ACYP2: variants seen among roughly 807,000 people sequenced by gnomAD.
ACYP2 encodes the protein acylphosphatase-2.
ACYP2 carries 12 observed loss-of-function variants against 11.2 expected under a neutral mutation model. That is an observed-to-expected ratio of 1.08 (90% CI 0.69 to 1.74). The LOEUF (loss-of-function observed/expected upper bound fraction) is 1.74. Among genes scored for constraint, ACYP2 ranks in the 40% most tolerant of loss-of-function variants. The pLI is 0.00. For missense variants in ACYP2, 134 were observed against 101.9 expected, an observed-to-expected ratio of 1.31 and a Z score of -1.35; for synonymous variants, 43 against 32.2, an observed-to-expected ratio of 1.33 and a Z score of -1.13.
intron 2 of ACYP2, among the ~76,000 whole-genome samples, chr2:53,976,996 T>C (rs1464559009): frequency 6.6e-6 from 1 of 152,200 alleles, no homozygotes; most frequent in African/African-American, 2.4e-5. Context: ...TTGTACTCCT[T>C]GTAGAATTCC....
intron 4 of ACYP2, 131 bp from the exon 1 acceptor site, chr2:54,115,484 C>G (rs1679697018): frequency 7.4e-7 from 1 of 1,353,518 alleles, no homozygotes; most frequent in South Asian, 1.5e-5. Flanking sequence ...GCCCAGCGGC[C>G]TCTTCCCTCC....
intron 2 of ACYP2, among the ~76,000 whole-genome samples, chr2:53,996,954 G>T (rs1672601896): frequency 6.6e-6 from 1 of 152,122 alleles, no homozygotes; most frequent in Non-Finnish European, 1.5e-5. Context: ...ATAAAGCCCA[G>T]ACTATTTAGG....
chr2:53,973,989 C>G lies in ACYP2; in HGVS notation c.62+179C>G, dbSNP rs1331215222. 2.7e-5 allele frequency among the ~76,000 whole-genome samples: 4 copies of G among 148,044 alleles called. No homozygotes were observed. The Admixed American group carries it at 2.8e-4, about 10-fold the overall frequency. Reference sequence around the variant, plus strand: ...TGGATCCATCTCGGCTCACTGCAATCTCCGCCTCCGGGGTTCAAGTGATTC... The same window carrying G: ...TGGATCCATCTCGGCTCACTGCAATGTCCGCCTCCGGGGTTCAAGTGATTC... On this transcript the variant is annotated intron_variant, in intron 2 of 6. Transcript: ENST00000607452.
At chr2:54,239,787 G>T (rs979796024) in intron 6 of ACYP2, among the ~76,000 whole-genome samples, 5 of 152,076 alleles carry the variant, frequency 3.3e-5, no homozygotes, top group Non-Finnish European at 5.9e-5. Flanking sequence ...CTAAATAGAG[G>T]GCTCAGTTGT....
Position 54,138,583 on chromosome 2 carries a change from T to A in ACYP2, c.295-56T>A, listed in dbSNP as rs532635789. ...TTTTGGATATTAGAATCAAGTATGT[T>A]ATGAACTCAGACTTTTGATGCTGCA... On this transcript the variant is annotated intron_variant, in intron 5 of 6. Coordinates refer to ENST00000607452, the MANE Select transcript of ACYP2 (RefSeq NM_001320586.2). 27 of 1,396,760 alleles carry A rather than the reference T, an allele frequency of 1.9e-5. No homozygotes were observed. In the African/African-American group the frequency reaches 3.4e-4, roughly 18 times the overall value. The allele number at this position is 1,396,760 out of a possible 1,614,324, so 86.5% of individuals were successfully genotyped here.
chr2:54,299,207 G>A (rs1362725213), intron 6 of ACYP2, among the ~76,000 whole-genome samples: 1 of 152,180 alleles, frequency 6.6e-6, no homozygotes, highest in Non-Finnish European at 1.5e-5. Flanking sequence ...GCAGGAAATA[G>A]GGTGTATCTT....
At chr2:54,167,016 T>G (rs1683005591) in intron 6 of ACYP2, 1 of 152,066 alleles carries the variant, frequency 6.6e-6, no homozygotes, top group Admixed American at 6.5e-5. Flanking sequence ...TTTTTTTTTT[T>G]TAATGCTTCA....
chr2:54,286,780 G>T (rs889019018), intron 6 of ACYP2, among the ~76,000 whole-genome samples: 2 of 151,922 alleles, frequency 1.3e-5, no homozygotes, highest in African/African-American at 4.8e-5. Flanking sequence ...GTGCTGGTTT[G>T]AAAACTTTCA....
chr2:54,134,106 A>C (rs1681085005), intron 4 of ACYP2, among the ~76,000 whole-genome samples: 1 of 152,190 alleles, frequency 6.6e-6, no homozygotes, highest in South Asian at 2.1e-4. Flanking sequence ...TCTAAGAATC[A>C]TTTCCATTTC....
At chr2:54,299,859 A>G (rs1213179540) in intron 6 of ACYP2, among the ~76,000 whole-genome samples, 1 of 152,200 alleles carries the variant, frequency 6.6e-6, no homozygotes, top group Non-Finnish European at 1.5e-5. Flanking sequence ...ACTGCATTGC[A>G]GGCAGGTGTG....
intron 4 of ACYP2, among the ~76,000 whole-genome samples, chr2:54,110,707 G>T (rs1161397751): frequency 6.6e-6 from 1 of 152,034 alleles, no homozygotes. Flanking sequence ...AAATGCAGTA[G>T]GGAACTGTGG....
At chr2:53,991,324 A>G (rs1042014340) in intron 2 of ACYP2, among the ~76,000 whole-genome samples, 1 of 152,154 alleles carries the variant, frequency 6.6e-6, no homozygotes, top group Non-Finnish European at 1.5e-5. Flanking sequence ...ATATTCATGT[A>G]TAAGTCATTG....
intron 6 of ACYP2, among the ~76,000 whole-genome samples, chr2:54,223,408 C>CT (rs1354880967): frequency 1.3e-5 from 2 of 152,330 alleles, no homozygotes; most frequent in East Asian, 3.8e-4. Context: ...CTTATAAAAA[C>CT]TACAGAATAA....
intron 6 of ACYP2, among the ~76,000 whole-genome samples, chr2:54,189,632 CT>C (rs1684153359): frequency 6.6e-6 from 1 of 152,040 alleles, no homozygotes; most frequent in Non-Finnish European, 1.5e-5. Flanking sequence ...GATTGTTTCT[CT>C]ATCTTGGCTA....
At chr2:54,304,171 TTTC>T (rs961111084) in intron 6 of ACYP2, among the ~76,000 whole-genome samples, 13 of 152,214 alleles carry the variant, frequency 8.5e-5, no homozygotes, top group Middle Eastern at 3.4e-3. Context: ...AAAAATTATG[TTTC>T]TTCTTTATTC....
At chr2:54,268,254 T>C (rs544192561) in intron 6 of ACYP2, among the ~76,000 whole-genome samples, 1 of 152,326 alleles carries the variant, frequency 6.6e-6, no homozygotes, top group East Asian at 1.9e-4. Flanking sequence ...TGACAGACTT[T>C]AGTAGCTGCA....
chr2:54,101,140 C>A (rs796369330), intron 4 of ACYP2, among the ~76,000 whole-genome samples: 44 of 152,230 alleles, frequency 2.9e-4, no homozygotes, highest in African/African-American at 8.9e-4. Context: ...TGTGAGAGAG[C>A]TGCATTTGAA....
intron 4 of ACYP2, among the ~76,000 whole-genome samples, chr2:54,121,258 G>T (rs1018988811): frequency 1.3e-5 from 2 of 152,156 alleles, no homozygotes; most frequent in Non-Finnish European, 2.9e-5. Flanking sequence ...CATCTGTAAG[G>T]CTGAGTCTGG....
At chr2:54,026,065 T>C (rs1239707254) in intron 2 of ACYP2, among the ~76,000 whole-genome samples, 1 of 152,034 alleles carries the variant, frequency 6.6e-6, no homozygotes, top group Admixed American at 6.6e-5. Flanking sequence ...TGCAGTGAGC[T>C]GAGATCGCAC....
Sources: allele counts gnomAD v4.1 joint callset (sites outside exome capture counted in the v4.1 genomes callset), GRCh38; gene constraint gnomAD v4.1.1; transcripts MANE v1.5; gene names NCBI Gene and HGNC (gene_info 2026-07-23, HGNC 2026-07-21).